EPHA6: variants seen among roughly 807,000 people sequenced by gnomAD.
EPHA6 encodes ephrin type-A receptor 6.
EPHA6 carries 50 observed loss-of-function variants against 112.0 expected under a neutral mutation model. The observed-to-expected ratio is 0.45, with a 90% CI of 0.36 to 0.56. The LOEUF (loss-of-function observed/expected upper bound fraction) is 0.56. EPHA6 is among the 20% of genes least tolerant of loss of function. EPHA6 has a pLI of 0.00. For synonymous variants in EPHA6, 529 were observed against 490.7 expected (o/e 1.08, Z -1.03); for missense variants, 1,280 against 1,417.4 (o/e 0.90, Z 1.56).
chr3:97,475,871 AATTAT>A (rs2091356710), intron 8 of EPHA6, among the ~76,000 whole-genome samples: 1 of 152,150 alleles, frequency 6.6e-6, no homozygotes, highest in Non-Finnish European at 1.5e-5. Flanking sequence ...TCTATGTTAG[AATTAT>A]ATTAATTGGT....
chr3:97,447,911 A>G (rs1577442323), intron 6 of EPHA6: 2 of 372,000 alleles, frequency 5.4e-6, no homozygotes, highest in Non-Finnish European at 7.7e-6. Context: ...CACAGTCACT[A>G]TGTAACTAGT....
intron 10 of EPHA6, among the ~76,000 whole-genome samples, chr3:97,496,130 G>C (rs2091971974): frequency 1.3e-5 from 2 of 152,086 alleles, no homozygotes; most frequent in Non-Finnish European, 2.9e-5. Flanking sequence ...TCACAGCATG[G>C]GAAAGTGTGT....
At chr3:97,057,427 GTCT>G (rs1007233884) in intron 3 of EPHA6, among the ~76,000 whole-genome samples, 1 of 152,132 alleles carries the variant, frequency 6.6e-6, no homozygotes, top group Admixed American at 6.5e-5. Flanking sequence ...TCTTCATGTG[GTCT>G]TCTGTCCTCA....
chr3:97,626,867 G>C (rs911667159), intron 13 of EPHA6, among the ~76,000 whole-genome samples: 1 of 151,710 alleles, frequency 6.6e-6, no homozygotes, highest in African/African-American at 2.4e-5. Flanking sequence ...CATAATACTA[G>C]GTTGATGTTT....
At chr3:97,019,345 T>C (rs545905392) in intron 3 of EPHA6, among the ~76,000 whole-genome samples, 13 of 152,136 alleles carry the variant, frequency 8.5e-5, no homozygotes, top group Non-Finnish European at 1.8e-4. Context: ...CTTGGGTAAT[T>C]TTCTCACACA....
intron 2 of EPHA6, among the ~76,000 whole-genome samples, chr3:96,947,728 A>G (rs1302489450): frequency 2.0e-5 from 3 of 152,194 alleles, no homozygotes; most frequent in Admixed American, 6.5e-5. Context: ...ACTACAAACC[A>G]CTGCTCAATG....
chr3:97,634,377 T>G (rs1331060622), intron 13 of EPHA6, among the ~76,000 whole-genome samples: 6 of 151,976 alleles, frequency 3.9e-5, no homozygotes, highest in African/African-American at 9.7e-5. Flanking sequence ...TAGAGCTTTT[T>G]TCTTTTCGTC....
chr3:96,973,282 C>T (rs570432109), intron 2 of EPHA6, among the ~76,000 whole-genome samples: 1 of 152,242 alleles, frequency 6.6e-6, no homozygotes, highest in East Asian at 1.9e-4. Context: ...ATACAGCCCC[C>T]AAACCACTAA....
At chr3:97,494,795 T>G (rs2091935988) in intron 10 of EPHA6, among the ~76,000 whole-genome samples, 2 of 152,178 alleles carry the variant, frequency 1.3e-5, no homozygotes, top group Non-Finnish European at 2.9e-5. Context: ...CTAATCCTAC[T>G]TCCACACCAC....
chr3:97,155,989 C>T (rs567778686), intron 3 of EPHA6, among the ~76,000 whole-genome samples: 1 of 152,128 alleles, frequency 6.6e-6, no homozygotes, highest in Non-Finnish European at 1.5e-5. Flanking sequence ...GATGGATAAT[C>T]CAGAATAATC....
chr3:97,548,047 C>T (rs1396095333), intron 11 of EPHA6, among the ~76,000 whole-genome samples: 2 of 152,204 alleles, frequency 1.3e-5, no homozygotes, highest in African/African-American at 4.8e-5. Context: ...TGCTTTGGCT[C>T]ATGCACGGTG....
chr3:97,022,013 A>G (rs2044478968), intron 3 of EPHA6, among the ~76,000 whole-genome samples: 1 of 152,164 alleles, frequency 6.6e-6, no homozygotes, highest in Non-Finnish European at 1.5e-5. Context: ...CATCACTAAA[A>G]TTACTATATA....
intron 14 of EPHA6, among the ~76,000 whole-genome samples, chr3:97,712,030 AAG>A (rs1476628874): frequency 1.3e-5 from 2 of 152,222 alleles, no homozygotes; most frequent in Non-Finnish European, 2.9e-5. Flanking sequence ...TATATATCTG[AAG>A]AGTTATATTT....
At chr3:97,040,085 A>G (rs559914300) in intron 3 of EPHA6, among the ~76,000 whole-genome samples, 3 of 151,376 alleles carry the variant, frequency 2.0e-5, no homozygotes, top group Admixed American at 6.6e-5. Context: ...ATTATTAATG[A>G]TAAAATAATG....
intron 3 of EPHA6, among the ~76,000 whole-genome samples, chr3:97,106,589 C>T (rs1305032675): frequency 6.6e-6 from 1 of 151,996 alleles, no homozygotes; most frequent in Non-Finnish European, 1.5e-5. Context: ...TTTTCCAAGC[C>T]CACTTGTGAT....
chr3:97,347,044 T>C (rs1559907959), intron 5 of EPHA6, among the ~76,000 whole-genome samples: 1 of 152,084 alleles, frequency 6.6e-6, no homozygotes, highest in Non-Finnish European at 1.5e-5. Context: ...TTTTTATTAC[T>C]GTTGAAAAGA....
intron 3 of EPHA6, among the ~76,000 whole-genome samples, chr3:97,113,047 T>C (rs1378452841): frequency 1.3e-5 from 2 of 152,160 alleles, no homozygotes; most frequent in East Asian, 1.9e-4. Flanking sequence ...TTCACAGATA[T>C]TAGTTGGAGT....
rs542877024 is a variant in EPHA6, at chr3:96,888,587, A to G, written c.450+21698A>G. ...CCTCTGAAGCCACAGCCTGAGCTCT[A>G]TGTTGAACTCTTTCAGCCATGCCTG... On this transcript the variant is annotated intron_variant, in intron 2 of 17. Coordinates refer to ENST00000389672, the MANE Select transcript of EPHA6 (RefSeq NM_001080448.3). Among the ~76,000 whole-genome samples, 17 of 152,228 alleles carry G rather than the reference A, an allele frequency of 1.1e-4. No homozygotes were observed. The South Asian group carries it at 2.7e-3, about 24-fold the overall frequency.
chr3:97,162,248 A>G (rs2076431222), intron 3 of EPHA6, among the ~76,000 whole-genome samples: 1 of 152,168 alleles, frequency 6.6e-6, no homozygotes, highest in African/African-American at 2.4e-5. Flanking sequence ...CTGGGAATGT[A>G]GTATTGCTTC....
Sources: allele counts gnomAD v4.1 joint callset (sites outside exome capture counted in the v4.1 genomes callset), GRCh38; gene constraint gnomAD v4.1.1; transcripts MANE v1.5; gene names NCBI Gene and HGNC (gene_info 2026-07-23, HGNC 2026-07-21).